TNFAIP6: variants seen among roughly 807,000 people sequenced by gnomAD.
The protein encoded by TNFAIP6 is tumor necrosis factor-inducible gene 6 protein.
TNFAIP6 carries 36 observed loss-of-function variants against 33.7 expected under a neutral mutation model. The observed-to-expected ratio is 1.07, with a 90% CI of 0.82 to 1.41. The LOEUF (loss-of-function observed/expected upper bound fraction) is 1.41. TNFAIP6 is among the 40% of genes most tolerant of loss of function. The pLI, the probability that TNFAIP6 is intolerant of heterozygous loss-of-function variation, is 0.00. For synonymous variants in TNFAIP6, 113 were observed against 112.8 expected, an observed-to-expected ratio of 1.00 and a Z score of -0.01; for missense variants, 273 against 331.9, an observed-to-expected ratio of 0.82 and a Z score of 1.38.
chr2:151,374,205 T>A (rs924600584), intron 5 of TNFAIP6, among the ~76,000 whole-genome samples: 9 of 152,168 alleles, frequency 5.9e-5, no homozygotes, highest in Non-Finnish European at 1.2e-4. Flanking sequence ...AGACCAGATA[T>A]AATAGGTAGT....
intron 3 of TNFAIP6, 84 bp from the exon 4 acceptor site, chr2:151,369,936 A>G: frequency 9.7e-7 from 1 of 1,032,450 alleles, no homozygotes; most frequent in Non-Finnish European, 1.4e-6. Context: ...AAAGTAATAG[A>G]TTGCTAAGAA....
chr2:151,377,416 G>A (rs555095177), intron 5 of TNFAIP6, among the ~76,000 whole-genome samples: 9 of 151,974 alleles, frequency 5.9e-5, no homozygotes, highest in Non-Finnish European at 4.4e-5. Flanking sequence ...TGATCCACCC[G>A]CCTCGGCCTC....
In TNFAIP6 at chr2:151,357,697, C is replaced by G. The variant is rs766282193; in HGVS notation, c.31C>G (p.Leu11Val). Residue 11 changes from leucine (L) to valine (V), a missense_variant, in exon 1 of 6, where the codon CTA becomes GTA. Transcript: ENST00000243347. MIILIYLFLLLWEDTQGWGFK... is the reference protein window; with the variant it reads MIILIYLFLLVWEDTQGWGFK... ...CATCTTAATTTACTTATTTCTCTTGCTATGGGAAGACACTCAAGGATGGGG... is the reference window on the plus strand; with the variant it reads ...CATCTTAATTTACTTATTTCTCTTGGTATGGGAAGACACTCAAGGATGGGG... The G allele has an allele frequency of 5.0e-5, 81 of 1,612,212 alleles. No homozygotes were observed. Among genetic ancestry groups the G allele is most frequent in the Non-Finnish European group, 6.7e-5 (79 of 1,178,466 alleles).
chr2:151,379,670 G>A lies in TNFAIP6; in HGVS notation c.*137G>A. 3.3e-6 allele frequency: 2 copies of A among 608,880 alleles called. No individual in the cohort carries two copies. The highest frequency in any genetic ancestry group is 4.7e-5 in the South Asian group (1 of 21,136). The allele number at this position is 608,880 out of a possible 1,614,324, so 37.7% of individuals were successfully genotyped here. A position where few individuals can be genotyped will look rare whatever the true frequency, so the allele number is the denominator to read the frequency against. Reference sequence around the variant, plus strand: ...AGCAATACATAATTTAGGGAAAATTGGAAAATATAGGAAACTTTAAACGAG... The same window carrying A: ...AGCAATACATAATTTAGGGAAAATTAGAAAATATAGGAAACTTTAAACGAG... On this transcript the variant is annotated 3_prime_UTR_variant, in exon 6 of 6. Coordinates refer to ENST00000243347, the MANE Select transcript of TNFAIP6 (RefSeq NM_007115.4).
intron 2 of TNFAIP6, among the ~76,000 whole-genome samples, chr2:151,364,535 G>A (rs1264417979): frequency 7.9e-5 from 12 of 152,196 alleles, no homozygotes; most frequent in Non-Finnish European, 8.8e-5. Context: ...CCATTAAGTG[G>A]GAGAATGTAT....
At chr2:151,377,495 T>C (rs1684935868) in intron 5 of TNFAIP6, among the ~76,000 whole-genome samples, 1 of 151,830 alleles carries the variant, frequency 6.6e-6, no homozygotes, top group Non-Finnish European at 1.5e-5. Context: ...GTTTGTTTGT[T>C]TGTTTGTTTT....
At chr2:151,359,482 AGG>A (rs1684588517) in intron 1 of TNFAIP6, among the ~76,000 whole-genome samples, 1 of 144,608 alleles carries the variant, frequency 6.9e-6, no homozygotes, top group African/African-American at 2.6e-5. Context: ...TCCGCCTCCC[AGG>A]TTCACGCCAT....
At position 151,379,531 on chromosome 2, in the gene TNFAIP6, T is replaced by TAAA; in HGVS notation, c.*10_*12dup. The TAAA allele has an allele frequency of 9.0e-6, 12 of 1,336,960 alleles. No individual in the cohort carries two copies. Among genetic ancestry groups the TAAA allele is most frequent in the South Asian group, 6.2e-5 (4 of 64,798 alleles). The allele number at this position is 1,336,960 out of a possible 1,614,324, so 82.8% of individuals were successfully genotyped here. A position where few individuals can be genotyped will look rare whatever the true frequency, so the allele number is the denominator to read the frequency against. ...TTTAGCTGGAAGATTTAGCCACTTA[T>TAAA]AAAAAAAAAAAAAAGGATGATCAAA... On this transcript the variant is annotated inframe_insertion and stop_retained_variant, in exon 6 of 6. Coordinates refer to ENST00000243347, the MANE Select transcript of TNFAIP6 (RefSeq NM_007115.4).
intron 5 of TNFAIP6, among the ~76,000 whole-genome samples, chr2:151,374,446 T>G (rs1684868710): frequency 1.3e-5 from 2 of 152,250 alleles, no homozygotes; most frequent in African/African-American, 4.8e-5. Context: ...GTGCTCTATT[T>G]TCTCCCAAGT....
intron 5 of TNFAIP6, among the ~76,000 whole-genome samples, chr2:151,378,483 A>G (rs1684955903): frequency 6.7e-6 from 1 of 149,320 alleles, no homozygotes; most frequent in African/African-American, 2.5e-5. Context: ...TTCTACAAAG[A>G]GTATCTTCTT....
chr2:151,364,307 A>C (rs1292387728), intron 2 of TNFAIP6, among the ~76,000 whole-genome samples: 1 of 152,174 alleles, frequency 6.6e-6, no homozygotes, highest in Non-Finnish European at 1.5e-5. Flanking sequence ...ACCTAATAAA[A>C]TACAAGTCAA....
At position 151,357,695 on chromosome 2, in the gene TNFAIP6, T is replaced by C; in HGVS notation, c.29T>C (p.Leu10Ser). The C allele has an allele frequency of 1.9e-6, 3 of 1,612,574 alleles. No homozygotes were observed. The highest frequency in any genetic ancestry group is 2.5e-6 in the Non-Finnish European group (3 of 1,178,642). Residue 10 changes from leucine to serine, a missense_variant, in exon 1 of 6, where the codon TTG becomes TCG. Coordinates refer to ENST00000243347, the MANE Select transcript of TNFAIP6 (RefSeq NM_007115.4). MIILIYLFLLLWEDTQGWGF... is the reference protein window; with the variant it reads MIILIYLFLSLWEDTQGWGF... The stretch of plus-strand genomic sequence containing the variant: ...ATCATCTTAATTTACTTATTTCTCT[T>C]GCTATGGGAAGACACTCAAGGATGG...
At position 151,379,371 on chromosome 2, in the gene TNFAIP6, C is replaced by T. The variant is rs1160132082; in HGVS notation, c.672C>T (p.Val224=). Residue 224 remains valine, a synonymous_variant, in exon 6 of 6, where the codon GTC becomes GTT. Transcript: ENST00000243347. ...LPDDIISTGN[V]MTLKFLSDAS... ...CCTCCTTCCCCGCAACAGGAAATGTCATGACCTTGAAGTTTCTAAGTGATG... is the reference window on the plus strand; with the variant it reads ...CCTCCTTCCCCGCAACAGGAAATGTTATGACCTTGAAGTTTCTAAGTGATG... 13 of 1,585,830 alleles carry T rather than the reference C, an allele frequency of 8.2e-6. No homozygotes were observed. In the East Asian group the frequency reaches 1.8e-4, roughly 22 times the overall value.
At chr2:151,381,050 A>G (rs973297833), downstream of TNFAIP6, among the ~76,000 whole-genome samples, 3 of 152,198 alleles carry the variant, frequency 2.0e-5, no homozygotes, top group Admixed American at 1.3e-4. Context: ...ACCCTAAAGT[A>G]TGACACTTTG....
chr2:151,377,402 C>T (rs556282045), intron 5 of TNFAIP6, among the ~76,000 whole-genome samples: 2 of 152,184 alleles, frequency 1.3e-5, no homozygotes, highest in African/African-American at 2.4e-5. Context: ...ATCTTCTGAC[C>T]TCATGATCCA....
At chr2:151,376,880 T>G (rs1197605643) in intron 5 of TNFAIP6, among the ~76,000 whole-genome samples, 2 of 148,184 alleles carry the variant, frequency 1.3e-5, no homozygotes, top group Admixed American at 1.3e-4. Context: ...TTTTTTTTTT[T>G]TTTTTGTTTT....
At chr2:151,373,910 T>A (rs1684855951) in intron 5 of TNFAIP6, among the ~76,000 whole-genome samples, 1 of 152,168 alleles carries the variant, frequency 6.6e-6, no homozygotes, top group South Asian at 2.1e-4. Flanking sequence ...ATGGCTGAAA[T>A]TTTTCATTGA....
In TNFAIP6 at chr2:151,366,075, T is replaced by C. The variant is rs1015131872; in HGVS notation, c.252T>C (p.Ala84=). Residue 84 remains alanine, a synonymous_variant, in exon 3 of 6, where the codon GCT becomes GCC. Transcript: ENST00000243347. The part of the protein sequence containing the change: ...ARKIGFHVCA[A]GWMAKGRVGY... ...TTGCAGGATTTCATGTCTGTGCTGC[T>C]GGATGGATGGCTAAGGGCAGAGTTG... The C allele has an allele frequency of 4.3e-6, 7 of 1,614,042 alleles. No homozygotes were observed. The Admixed American group carries it at 6.7e-5, about 15-fold the overall frequency.
intron 1 of TNFAIP6, among the ~76,000 whole-genome samples, chr2:151,363,108 G>A (rs1009067728): frequency 6.6e-6 from 1 of 151,860 alleles, no homozygotes; most frequent in Non-Finnish European, 1.5e-5. Context: ...TTGAGGTCAG[G>A]AGTTCAAGAC....
Sources: gnomAD v4.1 joint callset for allele counts (sites outside exome capture counted in the v4.1 genomes callset) on GRCh38, gnomAD v4.1.1 for gene constraint, MANE v1.5 for transcripts, NCBI Gene and HGNC (gene_info 2026-07-23, HGNC 2026-07-21) for gene names.